The following TATDN2 variants were observed in gnomAD, a reference collection of about 807,000 sequenced individuals.
TATDN2 encodes the protein TatD DNase domain containing 2, also known as 3'-5' RNA nuclease TATDN2.
In TATDN2, 44 loss-of-function variants were observed where a neutral mutation model predicts 60.3. The ratio of observed to expected loss-of-function variants is 0.73; its 90% CI spans 0.57 to 0.94. The LOEUF is 0.94. Ranked by LOEUF, TATDN2 falls within the 40% of genes least tolerant of loss-of-function variation. The probability of loss-of-function intolerance (pLI) is 0.00; values close to 1 mark genes in which losing one functional copy is unlikely to be tolerated. For synonymous variants in TATDN2, 399 were observed against 355.8 expected (o/e 1.12, Z -1.37); for missense variants, 997 against 948.0 (o/e 1.05, Z -0.68).
At chr3:10,252,147 CAAA>C (rs35469402) in intron 2 of TATDN2, among the ~76,000 whole-genome samples, 3 of 63,298 alleles carry the variant, frequency 4.7e-5, no homozygotes, top group East Asian at 5.3e-4. Context: ...GACTCAGTCT[CAAA>C]AAAAAAAAAA....
At chr3:10,250,571 A>C (rs1217459171) in intron 2 of TATDN2, among the ~76,000 whole-genome samples, 1 of 152,194 alleles carries the variant, frequency 6.6e-6, no homozygotes, top group Non-Finnish European at 1.5e-5. Flanking sequence ...GTTTGTTTTT[A>C]AGCCTAGCCT....
Position 10,248,533 on chromosome 3 carries a change from CG to C in TATDN2, c.-538del, listed in dbSNP as rs1189040620. On this transcript the variant is annotated 5_prime_UTR_variant, in exon 1 of 8. Transcript: ENST00000448281. ...CACGGAGGCCGGAGTGGTCGCAGTT[CG>C]GGCGGAGGCCGGGCCAGGCGGGGCT... is the stretch of plus-strand genomic sequence containing the variant. The C allele has an allele frequency of 1.3e-5, 2 of 152,098 alleles. No individual in the cohort carries two copies. The highest frequency in any genetic ancestry group is 2.9e-5 in the Non-Finnish European group (2 of 68,070). The allele number at this position is 152,098 out of a possible 1,614,324, so 9.4% of individuals were successfully genotyped here.
rs762071006 is a variant in TATDN2, at chr3:10,270,491, T to C, written c.1309T>C (p.Ser437Pro). ...VQNTSRDMEA[S>P]EEGWSQNSRS... ...AAACACCTCCAGAGACATGGAGGCC[T>C]CAGAGGAAGGCTGGTCCCAGAATTC... The change falls in exon 4 of 8, where the codon TCA becomes CCA. Residue 437 changes from serine (S) to proline (P), a missense_variant. Coordinates refer to ENST00000448281, the MANE Select transcript of TATDN2 (RefSeq NM_014760.4). The C allele has an allele frequency of 6.9e-5, 111 of 1,614,090 alleles. No homozygotes were observed. Among genetic ancestry groups the C allele is most frequent in the Non-Finnish European group, 8.5e-5 (100 of 1,180,038 alleles).
chr3:10,274,386 TAAAGAAAG>T (rs2067363), intron 4 of TATDN2, among the ~76,000 whole-genome samples: 1 of 152,046 alleles, frequency 6.6e-6, no homozygotes, highest in African/African-American at 2.4e-5. Flanking sequence ...GTGCTTGTGT[TAAAGAAAG>T]AAATTAGGAA....
At chr3:10,259,848 C>T (rs149385425) in intron 2 of TATDN2, among the ~76,000 whole-genome samples, 38 of 152,292 alleles carry the variant, frequency 2.5e-4, no homozygotes, top group African/African-American at 9.1e-4. Flanking sequence ...GTAGTCCTTG[C>T]CTTCCAGGAG....
chr3:10,265,203 A>T (rs1379691514), intron 3 of TATDN2, among the ~76,000 whole-genome samples: 2 of 149,456 alleles, frequency 1.3e-5, no homozygotes, highest in Non-Finnish European at 1.5e-5. Flanking sequence ...CAGCCTCCTG[A>T]GCAGCTGGGA....
At position 10,270,384 on chromosome 3, in the gene TATDN2, G is replaced by C; in HGVS notation, c.1202G>C (p.Ser401Thr). The part of the protein sequence containing the change: ...KPSSYPSTGS[S>T]SNDAAQVGKS... ...TCTAGCTACCCCTCCACAGGCAGCA[G>C]CAGCAACGATGCAGCCCAGGTTGGG... Residue 401 changes from serine to threonine, a missense_variant, in exon 4 of 8, where the codon AGC becomes ACC. Transcript: ENST00000448281. 6.2e-7 allele frequency: 1 copy of C among 1,614,222 alleles called. No homozygotes were observed. The highest frequency in any genetic ancestry group is 8.5e-7 in the Non-Finnish European group (1 of 1,180,046).
chr3:10,257,756 G>T (rs939546571), intron 2 of TATDN2, among the ~76,000 whole-genome samples: 4 of 149,104 alleles, frequency 2.7e-5, no homozygotes, highest in East Asian at 2.0e-4. Flanking sequence ...ATTCATCTTC[G>T]TGAAGTTAGC....
intron 3 of TATDN2, among the ~76,000 whole-genome samples, chr3:10,266,250 G>A (rs887251150): frequency 1.3e-5 from 2 of 152,182 alleles, no homozygotes; most frequent in African/African-American, 2.4e-5. Context: ...AGGTTTGTAA[G>A]ATATTTTCCT....
intron 3 of TATDN2, among the ~76,000 whole-genome samples, chr3:10,266,985 C>T (rs574084558): frequency 4.3e-5 from 6 of 140,066 alleles, no homozygotes; most frequent in Admixed American, 2.3e-4. Context: ...GGTTGGAGTA[C>T]AGTGGCTCAC....
chr3:10,255,849 G>A (rs1187391613), intron 2 of TATDN2, among the ~76,000 whole-genome samples: 1 of 152,162 alleles, frequency 6.6e-6, no homozygotes, highest in East Asian at 1.9e-4. Flanking sequence ...GGCTGAGGCA[G>A]GAGAATCACT....
chr3:10,279,145 T>G (rs1698686431), intron 7 of TATDN2, 76 bp from the exon 8 acceptor site: 1 of 1,311,904 alleles, frequency 7.6e-7, no homozygotes, highest in Non-Finnish European at 1.0e-6. Flanking sequence ...AATATAAACA[T>G]AGTATGAGCA....
At chr3:10,265,003 ATTTTTTTTTTTTGGTCT>A (rs1379454113) in intron 3 of TATDN2, among the ~76,000 whole-genome samples, 1 of 45,860 alleles carries the variant, frequency 2.2e-5, no homozygotes, top group Non-Finnish European at 4.2e-5. Context: ...GTTTATGTTG[ATTTTTTTTTTTTGGTCT>A]TTTTTTTTTT....
In TATDN2 at chr3:10,270,217, T is replaced by A. The variant is rs781462147; in HGVS notation, c.1035T>A (p.Ser345=). The change falls in exon 4 of 8, where the codon TCT becomes TCA. Residue 345 remains serine, a synonymous_variant. Coordinates refer to ENST00000448281, the MANE Select transcript of TATDN2 (RefSeq NM_014760.4). ...DVEEISTVRF[S]QEEPVSLKPS... ...AGGAGATCTCCACAGTCAGATTCTC[T>A]CAGGAGGAACCTGTCTCCCTGAAAC... The A allele has an allele frequency of 6.2e-7, 1 of 1,614,178 alleles. No homozygotes were observed. Among genetic ancestry groups the A allele is most frequent in the South Asian group, 1.1e-5 (1 of 91,084 alleles).
At chr3:10,268,069 CAGAAT>C (rs1272356355) in intron 3 of TATDN2, among the ~76,000 whole-genome samples, 1 of 152,156 alleles carries the variant, frequency 6.6e-6, no homozygotes, top group Non-Finnish European at 1.5e-5. Context: ...TCAAAGTAAA[CAGAAT>C]AGTGTATTGA....
At chr3:10,266,382 C>G (rs143135228) in intron 3 of TATDN2, among the ~76,000 whole-genome samples, 1 of 152,132 alleles carries the variant, frequency 6.6e-6, no homozygotes. Context: ...TGAGACTGGA[C>G]GACAATTAGG....
At position 10,260,196 on chromosome 3, in the gene TATDN2, G is replaced by A. The variant is rs143544454; in HGVS notation, c.474G>A (p.Glu158=). The part of the protein sequence containing the change: ...STNSEFAAEA[E]GQNDTIEEPN... Reference sequence around the variant, plus strand: ...ACTCTGAATTTGCAGCTGAAGCTGAGGGTCAGAATGATACAATTGAGGAAC... The same window carrying A: ...ACTCTGAATTTGCAGCTGAAGCTGAAGGTCAGAATGATACAATTGAGGAAC... Residue 158 remains glutamate, a synonymous_variant, in exon 3 of 8, where the codon GAG becomes GAA. Coordinates refer to ENST00000448281, the MANE Select transcript of TATDN2 (RefSeq NM_014760.4). The A allele has an allele frequency of 3.3e-5, 54 of 1,613,978 alleles. No homozygotes were observed. In the African/African-American group the frequency reaches 6.1e-4, roughly 18 times the overall value.
chr3:10,255,901 C>T (rs1019669344), intron 2 of TATDN2, among the ~76,000 whole-genome samples: 13 of 152,168 alleles, frequency 8.5e-5, no homozygotes, highest in African/African-American at 2.9e-4. Context: ...TGAGATGGCG[C>T]CACTGTACTC....
In TATDN2 at chr3:10,260,573, G is replaced by A. The variant is rs768198484; in HGVS notation, c.851G>A (p.Ser284Asn). ...RVVIDPQEKP[S>N]EEPLGDRRTV... ...GTTATAGACCCTCAAGAGAAACCCA[G>A]TGAGGAGCCCCTTGGGGACCGAAGG... Residue 284 changes from serine to asparagine, a missense_variant, in exon 3 of 8, where the codon AGT (serine) becomes AAT (asparagine). Transcript: ENST00000448281. 7 of 1,614,176 alleles carry A rather than the reference G, an allele frequency of 4.3e-6. No individual in the cohort carries two copies. Among genetic ancestry groups the A allele is most frequent in the Non-Finnish European group, 5.9e-6 (7 of 1,180,026 alleles).
Sources: gnomAD v4.1 joint callset for allele counts (sites outside exome capture counted in the v4.1 genomes callset) on GRCh38, gnomAD v4.1.1 for gene constraint, MANE v1.5 for transcripts, NCBI Gene and HGNC (gene_info 2026-07-23, HGNC 2026-07-21) for gene names.